Variants in CATIP observed in about 807,000 individuals in gnomAD.
The protein encoded by CATIP is ciliogenesis associated TTC17 interacting protein.
Under a neutral mutation model 42.5 loss-of-function variants are expected in CATIP, and 40 were observed. The observed-to-expected ratio is 0.94, with a 90% CI of 0.73 to 1.22. CATIP has a LOEUF of 1.22. Among genes scored for constraint, CATIP ranks in the 50% most tolerant of loss-of-function variants. The pLI, the probability that CATIP is intolerant of heterozygous loss-of-function variation, is 0.00. For synonymous variants in CATIP, 222 were observed against 200.2 expected, an observed-to-expected ratio of 1.11 and a Z score of -0.92; for missense variants, 489 against 496.0, an observed-to-expected ratio of 0.99 and a Z score of 0.13.
chr2:218,356,911 T>A lies in CATIP; in HGVS notation c.25+2T>A. On this transcript the variant is annotated splice_donor_variant, in intron 1 of 9. Coordinates refer to ENST00000289388, the MANE Select transcript of CATIP (RefSeq NM_198559.2). LOFTEE classifies it high-confidence loss of function. Reference sequence around the variant, plus strand: ...TGTCCTCCAAGGTTTACTCCACAGGTGGGAAGAGGACTGCTGGGGCTGGAG... The same window carrying A: ...TGTCCTCCAAGGTTTACTCCACAGGAGGGAAGAGGACTGCTGGGGCTGGAG... 1 of 1,613,944 alleles carries A rather than the reference T, an allele frequency of 6.2e-7. No homozygotes were observed. Among genetic ancestry groups the A allele is most frequent in the Non-Finnish European group, 8.5e-7 (1 of 1,179,952 alleles).
intron 9 of CATIP, 39 bp from the exon 10 acceptor site, chr2:218,367,683 G>T: frequency 6.3e-7 from 1 of 1,577,084 alleles, no homozygotes; most frequent in Non-Finnish European, 8.6e-7. Flanking sequence ...GGGCGCGGGG[G>T]TCCCGTCCGG....
chr2:218,358,911 A>C (rs1410531941), intron 4 of CATIP, among the ~76,000 whole-genome samples: 1 of 150,812 alleles, frequency 6.6e-6, no homozygotes, highest in Non-Finnish European at 1.5e-5. Context: ...AAAAAAGAAG[A>C]AAAAAGATGT....
chr2:218,357,227 G>A (rs772763179), intron 2 of CATIP, 40 bp downstream of exon 2: 4 of 1,459,960 alleles, frequency 2.7e-6, no homozygotes, highest in African/African-American at 1.4e-5. Flanking sequence ...TGCGGGAGGG[G>A]TGCAAGTCTG....
At chr2:218,357,812 T>A in intron 3 of CATIP, 78 bp downstream of exon 3, 2 of 1,479,678 alleles carry the variant, frequency 1.4e-6, no homozygotes, top group Middle Eastern at 4.1e-4. Flanking sequence ...AGAATCTTTT[T>A]TCAGGACCAA....
At position 218,357,554 on chromosome 2, in the gene CATIP, C is replaced by G; in HGVS notation, c.139C>G (p.Leu47Val). ...SSLHKEELQM[L>V]FFSETLAMVS... The stretch of plus-strand genomic sequence containing the variant: ...CCCAGACAAGGAGGAGCTACAGATG[C>G]TGTTCTTCTCTGAGACGCTGGCCAT... The change falls in exon 3 of 10, where the codon CTG becomes GTG. Residue 47 changes from leucine (L) to valine (V), a missense_variant. Physicochemically the swap from Leu to Val is conservative, Grantham distance 32. Transcript: ENST00000289388. The G allele has an allele frequency of 6.2e-7, 1 of 1,613,952 alleles. No homozygotes were observed. Among genetic ancestry groups the G allele is most frequent in the East Asian group, 2.2e-5 (1 of 44,870 alleles).
At chr2:218,357,853 G>A (rs1695089878) in intron 3 of CATIP, 119 bp downstream of exon 3, 3 of 1,187,964 alleles carry the variant, frequency 2.5e-6, no homozygotes, top group Admixed American at 1.8e-5. Context: ...CCAGGACAAG[G>A]CACGGGGTGG....
At position 218,367,535 on chromosome 2, in the gene CATIP, C is replaced by T. The variant is rs1695496366; in HGVS notation, c.921+17C>T. 6.2e-7 allele frequency: 1 copy of T among 1,612,886 alleles called. No homozygotes were observed. Among genetic ancestry groups the T allele is most frequent in the African/African-American group, 1.3e-5 (1 of 74,898 alleles). The stretch of plus-strand genomic sequence containing the variant: ...GACCGGAAGGTGAGGGGAGGCTCCA[C>T]CAGCCTGGGGTTCCCATTCCCCCAT... On this transcript the variant is annotated intron_variant, in intron 9 of 9. Transcript: ENST00000289388.
chr2:218,366,673 A>T (rs906098618), intron 7 of CATIP: 3 of 335,410 alleles, frequency 8.9e-6, no homozygotes, highest in African/African-American at 4.4e-5. Context: ...GGTGGCTTCA[A>T]GAGAAATATA....
At position 218,362,780 on chromosome 2, in the gene CATIP, G is replaced by A. The variant is rs1490015320; in HGVS notation, c.508G>A (p.Gly170Ser). ...VTSFPWSSIK[G>S]FISEAANLVL... ...TTCTTTCCCCTGGAGCTCAATCAAG[G>A]GCTTCATCTCAGAGGCTGCCAACCT... The change falls in exon 6 of 10, where the codon GGC becomes AGC. Residue 170 changes from glycine to serine, a missense_variant. Gly to Ser is a moderately conservative substitution (Grantham distance 56). Transcript: ENST00000289388. 6.8e-6 allele frequency: 11 copies of A among 1,614,032 alleles called. No individual in the cohort carries two copies. Among genetic ancestry groups the A allele is most frequent in the Non-Finnish European group, 9.3e-6 (11 of 1,180,024 alleles).
At position 218,367,477 on chromosome 2, in the gene CATIP, G is replaced by C; in HGVS notation, c.880G>C (p.Glu294Gln). The C allele has an allele frequency of 6.2e-7, 1 of 1,614,220 alleles. No individual in the cohort carries two copies. The highest frequency in any genetic ancestry group is 1.1e-5 in the South Asian group (1 of 91,084). The change falls in exon 9 of 10, where the codon GAG (glutamate) becomes CAG (glutamine). Residue 294 changes from glutamate to glutamine, a missense_variant. Transcript: ENST00000289388. Reference protein sequence around the residue: ...PVFEKKPLVWEEDMELYSKFL... With the variant: ...PVFEKKPLVWQEDMELYSKFL... ...GTTTGAGAAGAAGCCCCTGGTATGGGAGGAGGATATGGAGCTCTATTCGAA... is the reference window on the plus strand; with the variant it reads ...GTTTGAGAAGAAGCCCCTGGTATGGCAGGAGGATATGGAGCTCTATTCGAA...
At chr2:218,362,665 G>A in intron 5 of CATIP, 70 bp from the exon 6 acceptor site, 1 of 1,470,214 alleles carries the variant, frequency 6.8e-7, no homozygotes, top group African/African-American at 1.4e-5. Flanking sequence ...CCCAACACCT[G>A]GCTTGCCCAC....
At position 218,367,975 on chromosome 2, in the gene CATIP, G is replaced by A; in HGVS notation, c.*11G>A. On this transcript the variant is annotated 3_prime_UTR_variant, in exon 10 of 10. Transcript: ENST00000289388. ...TCGGGGGCGGCCTAAGCGGGGCCCA[G>A]GCCCGGACAGGGCAGGAAACCAGGG... 6.4e-7 allele frequency: 1 copy of A among 1,553,242 alleles called. No individual in the cohort carries two copies. Among genetic ancestry groups the A allele is most frequent in the South Asian group, 1.2e-5 (1 of 86,476 alleles).
At chr2:218,364,953 C>T (rs138117825) in intron 7 of CATIP, among the ~76,000 whole-genome samples, 326 of 152,330 alleles carry the variant, frequency 2.1e-3, no homozygotes, top group African/African-American at 7.0e-3. Flanking sequence ...CTTCTCACTG[C>T]ACACCACAGG....
At chr2:218,357,758 C>T (rs1348732220) in intron 3 of CATIP, 24 bp downstream of exon 3, 2 of 1,594,256 alleles carry the variant, frequency 1.3e-6, no homozygotes, top group Non-Finnish European at 1.7e-6. Context: ...TGCCTGATGC[C>T]CGTCACTCTC....
chr2:218,362,686 C>G (rs552976117), intron 5 of CATIP, 49 bp from the exon 6 acceptor site: 1 of 1,585,994 alleles, frequency 6.3e-7, no homozygotes, highest in South Asian at 1.1e-5. Flanking sequence ...CCTCCTGTCC[C>G]CTGCCCCTTC....
Position 218,356,883 on chromosome 2 carries a change from G to C in CATIP, c.-2G>C, listed in dbSNP as rs368603875. ...CAGACCGGGTAGAGGCAGGCCCACAGCATGTCCTCCAAGGTTTACTCCACA... is the reference window on the plus strand; with the variant it reads ...CAGACCGGGTAGAGGCAGGCCCACACCATGTCCTCCAAGGTTTACTCCACA... On this transcript the variant is annotated 5_prime_UTR_variant, in exon 1 of 10. Transcript: ENST00000289388. The C allele has an allele frequency of 2.5e-6, 4 of 1,613,932 alleles. No homozygotes were observed. The African/African-American group carries it at 5.3e-5, about 22-fold the overall frequency.
At chr2:218,366,753 T>C in intron 7 of CATIP, 1 of 428,024 alleles carries the variant, frequency 2.3e-6, no homozygotes, top group Non-Finnish European at 4.4e-6. Context: ...GCTGTCTTCC[T>C]AGCTTGCAGA....
chr2:218,360,619 A>G lies in CATIP; in HGVS notation c.422A>G (p.Asp141Gly). The change falls in exon 5 of 10, where the codon GAT (aspartate) becomes GGT (glycine). Residue 141 changes from aspartate to glycine, a missense_variant. Asp to Gly is a moderately conservative substitution (Grantham distance 94, BLOSUM62 -1). Transcript: ENST00000289388. ...MERKMSLLKQ[D>G]DQLAVTRSIK... Reference sequence around the variant, plus strand: ...CGGAAGATGAGTTTGCTGAAGCAGGATGATCAGCTGGCTGTGACCAGAAGT... The same window carrying G: ...CGGAAGATGAGTTTGCTGAAGCAGGGTGATCAGCTGGCTGTGACCAGAAGT... The G allele has an allele frequency of 6.2e-7, 1 of 1,613,954 alleles. No individual in the cohort carries two copies.
chr2:218,358,943 G>A (rs67022388), intron 4 of CATIP, among the ~76,000 whole-genome samples: 22,209 of 150,962 alleles, frequency 0.15, 2,036 homozygotes, highest in Middle Eastern at 0.32. Flanking sequence ...GGTGGCTCAC[G>A]CCTGTAATCC....
Sources: gnomAD v4.1 joint callset for allele counts (sites outside exome capture counted in the v4.1 genomes callset) on GRCh38, gnomAD v4.1.1 for gene constraint, MANE v1.5 for transcripts, NCBI Gene and HGNC (gene_info 2026-07-23, HGNC 2026-07-21) for gene names.